The following MYH10 variants were observed in gnomAD, a reference collection of about 807,000 sequenced individuals.
MYH10 encodes the protein myosin heavy chain 10.
In MYH10, 55 loss-of-function variants were observed where a neutral mutation model predicts 257.8. The ratio of observed to expected loss-of-function variants is 0.21; its 90% CI spans 0.17 to 0.27. MYH10 has a LOEUF of 0.27. Among genes scored for constraint, MYH10 ranks in the 10% least tolerant of loss-of-function variants. The pLI, the probability that MYH10 is intolerant of heterozygous loss-of-function variation, is 1.00. For missense variants in MYH10, 1,631 were observed against 2,500.6 expected (o/e 0.65, Z 7.42); for synonymous variants, 854 against 921.7 (o/e 0.93, Z 1.33).
chr17:8,615,670 A>G lies in MYH10; in HGVS notation c.345+7232T>C, dbSNP rs1241365230. On this transcript the variant is annotated intron_variant, in intron 2 of 42. Transcript: ENST00000360416. ...ATGCACAATTCTCCACAATAACAAA[A>G]TAAGAAGAAAAATCACATTATCATC... Among the ~76,000 whole-genome samples, 6 of 152,334 alleles carry G rather than the reference A, an allele frequency of 3.9e-5. No individual in the cohort carries two copies. The South Asian group carries it at 1.0e-3, about 26-fold the overall frequency.
At position 8,554,033 on chromosome 17, in the gene MYH10, A is replaced by G; in HGVS notation, c.757-15T>C. 1 of 1,599,588 alleles carries G rather than the reference A, an allele frequency of 6.3e-7. No homozygotes were observed. Among genetic ancestry groups the G allele is most frequent in the Non-Finnish European group, 8.6e-7 (1 of 1,167,512 alleles). On this transcript the variant is annotated splice_polypyrimidine_tract_variant and intron_variant, in intron 7 of 42. Transcript: ENST00000360416. ...ATAAATTTGCCCTGAAAATAAATTA[A>G]AAAGAGAAAATTGAAAATAAGTAAG...
In MYH10 at chr17:8,494,434, C is replaced by T. The variant is rs993786576; in HGVS notation, c.4057-549G>A. On this transcript the variant is annotated intron_variant, in intron 31 of 42. Coordinates refer to ENST00000360416, the MANE Select transcript of MYH10 (RefSeq NM_001256012.3). ...AGAATTTCTGGGCCATGGCTTCGGC[C>T]TCCTCTAGTCTCACTCACCAGGCCG... is the stretch of plus-strand genomic sequence containing the variant. Among the ~76,000 whole-genome samples, 3 of 152,176 alleles carry T rather than the reference C, an allele frequency of 2.0e-5. No individual in the cohort carries two copies. In the South Asian group the frequency reaches 6.2e-4, roughly 31 times the overall value.
At chr17:8,524,808 T>G (rs967322749) in intron 17 of MYH10, among the ~76,000 whole-genome samples, 1 of 152,192 alleles carries the variant, frequency 6.6e-6, no homozygotes, top group Non-Finnish European at 1.5e-5. Flanking sequence ...ATCCTTGAGT[T>G]TCTCCCACAG....
At chr17:8,592,933 C>CCATTTATATATA (rs1555612260) in intron 3 of MYH10, among the ~76,000 whole-genome samples, 2 of 44,712 alleles carry the variant, frequency 4.5e-5, no homozygotes, top group Non-Finnish European at 9.0e-5. Context: ...TCAAATCCAG[C>CCATTTATATATA]TATATATATA....
intron 11 of MYH10, 100 bp from the exon 12 acceptor site, chr17:8,546,762 G>T: frequency 2.5e-6 from 2 of 789,294 alleles, no homozygotes; most frequent in Non-Finnish European, 2.0e-6. Context: ...CAATTAAATT[G>T]TATTAAGAAA....
intron 7 of MYH10, among the ~76,000 whole-genome samples, chr17:8,566,619 G>A (rs2083174955): frequency 6.6e-6 from 1 of 151,936 alleles, no homozygotes; most frequent in South Asian, 2.1e-4. Context: ...TACAGCTGTA[G>A]CCAACATCTC....
intron 2 of MYH10, among the ~76,000 whole-genome samples, chr17:8,622,273 C>T (rs1455880016): frequency 6.6e-6 from 1 of 152,056 alleles, no homozygotes; most frequent in Non-Finnish European, 1.5e-5. Flanking sequence ...TTCCTCTCTA[C>T]ATTATCCCTC....
intron 16 of MYH10, 49 bp from the exon 17 acceptor site, chr17:8,530,734 C>CTGAAGTGTTTGTGT: frequency 2.2e-6 from 3 of 1,379,910 alleles, no homozygotes; most frequent in Non-Finnish European, 3.0e-6. Flanking sequence ...AATACACAAA[C>CTGAAGTGTTTGTGT]ACTTCAGTTA....
At chr17:8,484,102 A>T in intron 37 of MYH10, 36 bp downstream of exon 37, 2 of 1,470,770 alleles carry the variant, frequency 1.4e-6, no homozygotes, top group Non-Finnish European at 1.8e-6. Flanking sequence ...AAGGGCAAAT[A>T]TATTTGTTGA....
intron 37 of MYH10, among the ~76,000 whole-genome samples, chr17:8,481,638 A>T (rs1362531187): frequency 6.6e-6 from 1 of 152,208 alleles, no homozygotes; most frequent in Non-Finnish European, 1.5e-5. Context: ...GAAAGTCTTC[A>T]TTGCCATAAG....
chr17:8,520,847 C>T (rs375808373), intron 19 of MYH10, 31 bp downstream of exon 19: 57 of 1,576,526 alleles, frequency 3.6e-5, no homozygotes, highest in Non-Finnish European at 4.7e-5. Flanking sequence ...AACTCTGATA[C>T]ATAAGCAAAA....
In MYH10 at chr17:8,477,220, C is replaced by T. The variant is rs895079381; in HGVS notation, c.5707-172G>A. On this transcript the variant is annotated intron_variant, in intron 41 of 42. Coordinates refer to ENST00000360416, the MANE Select transcript of MYH10 (RefSeq NM_001256012.3). The surrounding 1 kb of genome is among the most constrained non-coding windows in gnomAD (Gnocchi z 4.2). ...GTCGGAGGCTCTGTAACCGGCCTGC[C>T]GCTCTCAGCAAAGCTAGCATCTACA... 4.6e-5 allele frequency among the ~76,000 whole-genome samples: 7 copies of T among 152,170 alleles called. No homozygotes were observed. Among genetic ancestry groups the T allele is most frequent in the African/African-American group, 7.2e-5 (3 of 41,510 alleles).
chr17:8,560,452 G>C, intron 7 of MYH10: 1 of 409,732 alleles, frequency 2.4e-6, no homozygotes, highest in South Asian at 2.1e-5. Context: ...GCCACCTGAA[G>C]CCACCTGCCT....
intron 26 of MYH10, among the ~76,000 whole-genome samples, chr17:8,508,177 G>C (rs2081137209): frequency 6.6e-6 from 1 of 152,068 alleles, no homozygotes; most frequent in African/African-American, 2.4e-5. Context: ...CACGATCACA[G>C]CTCACTCTGG....
In MYH10 at chr17:8,475,964, A is replaced by G. The variant is rs958161401; in HGVS notation, c.5880-16T>C. 3.1e-6 allele frequency: 5 copies of G among 1,609,598 alleles called. No individual in the cohort carries two copies. Among genetic ancestry groups the G allele is most frequent in the Non-Finnish European group, 4.2e-6 (5 of 1,178,850 alleles). On this transcript the variant is annotated splice_polypyrimidine_tract_variant and intron_variant, in intron 42 of 42. Transcript: ENST00000360416. Reference sequence around the variant, plus strand: ...GCCACCCCGCCTGGAGAACACAGGAAGCAGATGTGTGTGGGTAAACAGACA... The same window carrying G: ...GCCACCCCGCCTGGAGAACACAGGAGGCAGATGTGTGTGGGTAAACAGACA...
Position 8,504,597 on chromosome 17 carries a change from C to T in MYH10, c.3599+97G>A. The T allele has an allele frequency of 3.7e-6, 4 of 1,073,420 alleles. No homozygotes were observed. Among genetic ancestry groups the T allele is most frequent in the South Asian group, 3.0e-5 (2 of 67,392 alleles). 66.5% of individuals were successfully genotyped at this position (1,073,420 alleles called of 1,614,324 possible). On this transcript the variant is annotated intron_variant, in intron 28 of 42. Coordinates refer to ENST00000360416, the MANE Select transcript of MYH10 (RefSeq NM_001256012.3). This position sits in a 1 kb window ranked among gnomAD's most constrained non-coding sequence, Gnocchi z 5.6. Reference sequence around the variant, plus strand: ...ACCTGCCATCACAAGGAAAAGCACACCACCTCCCAAAGATAGCAAGCACAC... The same window carrying T: ...ACCTGCCATCACAAGGAAAAGCACATCACCTCCCAAAGATAGCAAGCACAC...
chr17:8,475,908 G>A lies in MYH10; in HGVS notation c.5920C>T (p.Arg1974Trp), dbSNP rs768939763. 10 of 1,613,990 alleles carry A rather than the reference G, an allele frequency of 6.2e-6. No homozygotes were observed. Among genetic ancestry groups the A allele is most frequent in the African/African-American group, 5.3e-5 (4 of 74,934 alleles). ...PISFSSSRSG[R>W]RQLHLEGASL... is the part of the protein sequence containing the mutation. Reference sequence around the variant, plus strand: ...GCTCCTTCAAGGTGCAGCTGGCGCCGGCCAGATCGGCTGGAAGAGAAGCTG... The same window carrying A: ...GCTCCTTCAAGGTGCAGCTGGCGCCAGCCAGATCGGCTGGAAGAGAAGCTG... The change falls in exon 43 of 43, where the codon CGG becomes TGG. Residue 1974 changes from arginine to tryptophan, a missense_variant. By Grantham distance (101) the Arg-to-Trp change is moderately radical (BLOSUM62 -3). Coordinates refer to ENST00000360416, the MANE Select transcript of MYH10 (RefSeq NM_001256012.3).
intron 3 of MYH10, among the ~76,000 whole-genome samples, chr17:8,603,208 A>G (rs1567967818): frequency 6.6e-6 from 1 of 152,158 alleles, no homozygotes; most frequent in Non-Finnish European, 1.5e-5. Flanking sequence ...TCCCAGTTTC[A>G]TGCCATTGAC....
At chr17:8,582,114 A>T (rs754218497) in intron 4 of MYH10, among the ~76,000 whole-genome samples, 94 of 152,222 alleles carry the variant, frequency 6.2e-4, no homozygotes, top group African/African-American at 2.2e-3. Flanking sequence ...GGAAATTTTT[A>T]AAATCTGATT....
Sources: allele counts gnomAD v4.1 joint callset (sites outside exome capture counted in the v4.1 genomes callset), GRCh38; gene constraint gnomAD v4.1.1; non-coding constraint Gnocchi (gnomAD v3.1); transcripts MANE v1.5; gene names NCBI Gene and HGNC (gene_info 2026-07-23, HGNC 2026-07-21).